PEX5L: variants seen among roughly 807,000 people sequenced by gnomAD.
The protein encoded by PEX5L is peroxisomal biogenesis factor 5 like.
A neutral mutation model predicts 84.0 loss-of-function variants in PEX5L; 30 were observed. The observed-to-expected ratio is 0.36, with a 90% confidence interval of 0.27 to 0.48. The LOEUF (loss-of-function observed/expected upper bound fraction) is 0.48, where lower values mean the gene tolerates loss of function less well. Ranked by LOEUF, PEX5L falls within the 20% of genes least tolerant of loss-of-function variation. The pLI is 0.99. For synonymous variants in PEX5L, 270 were observed against 283.1 expected, an observed-to-expected ratio of 0.95 and a Z score of 0.46; for missense variants, 533 against 754.6, an observed-to-expected ratio of 0.71 and a Z score of 3.44.
At chr3:179,806,583 C>T (rs974993097) in intron 14 of PEX5L, among the ~76,000 whole-genome samples, 10 of 152,114 alleles carry the variant, frequency 6.6e-5, no homozygotes, top group Non-Finnish European at 1.3e-4. Context: ...CTTTAGATGT[C>T]AAAAGAGTGA....
intron 3 of PEX5L, among the ~76,000 whole-genome samples, chr3:179,892,448 C>T (rs1757906361): frequency 6.6e-6 from 1 of 152,136 alleles, no homozygotes; most frequent in Non-Finnish European, 1.5e-5. Flanking sequence ...TAGACTGTGA[C>T]TTCCTTTAGA....
intron 11 of PEX5L, among the ~76,000 whole-genome samples, chr3:179,811,215 GTA>G (rs1246505667): frequency 9.9e-5 from 5 of 50,356 alleles, no homozygotes; most frequent in South Asian, 7.1e-4. Context: ...CATATGGAAT[GTA>G]TGTGTGTGTG....
At chr3:179,843,436 G>A (rs541782695) in intron 8 of PEX5L, among the ~76,000 whole-genome samples, 1 of 152,306 alleles carries the variant, frequency 6.6e-6, no homozygotes, top group East Asian at 1.9e-4. Context: ...TGTTATAGAT[G>A]AAGAAACTGA....
intron 6 of PEX5L, 29 bp from the exon 7 acceptor site, chr3:179,874,452 C>T (rs2339914): frequency 0.47 from 555,130 of 1,185,418 alleles, 133,221 homozygotes; most frequent in East Asian, 0.8. Flanking sequence ...GGAAATTAAA[C>T]GTACACTAGA....
chr3:179,837,699 C>T (rs1181153844), intron 8 of PEX5L, among the ~76,000 whole-genome samples: 1 of 152,196 alleles, frequency 6.6e-6, no homozygotes, highest in Non-Finnish European at 1.5e-5. Context: ...TCATGGGATG[C>T]TAAATAGTGG....
In PEX5L at chr3:179,875,361, G is replaced by T. The variant is rs1339247752; in HGVS notation, c.622C>A (p.Leu208Ile). ...SSSSRTGSKE[L>I]LWSSEHRSQP... ...GGTATTAAAATACCTTACCATAAGAGCTCTTTTGATCCAGTTCTAGATGAG... is the reference window on the plus strand; with the variant it reads ...GGTATTAAAATACCTTACCATAAGATCTCTTTTGATCCAGTTCTAGATGAG... Residue 208 changes from leucine (L) to isoleucine (I), a missense_variant, in exon 6 of 15, where the codon CTC (leucine) becomes ATC (isoleucine). By Grantham distance (5) the Leu-to-Ile change is conservative. Coordinates refer to ENST00000467460, the MANE Select transcript of PEX5L (RefSeq NM_016559.3). 2 of 1,613,740 alleles carry T rather than the reference G, an allele frequency of 1.2e-6. No homozygotes were observed. The highest frequency in any genetic ancestry group is 1.1e-5 in the South Asian group (1 of 91,080).
chr3:180,002,523 T>C lies in PEX5L; in HGVS notation c.22-30858A>G, dbSNP rs1788518360. Among the ~76,000 whole-genome samples the C allele has an allele frequency of 3.9e-5, 6 of 152,124 alleles. 1 individual carries two copies. Among genetic ancestry groups the C allele is most frequent in the Admixed American group, 3.9e-4 (6 of 15,282 alleles). On this transcript the variant is annotated intron_variant, in intron 1 of 14. Coordinates refer to ENST00000467460, the MANE Select transcript of PEX5L (RefSeq NM_016559.3). ...ATTTGAAGGTTCTCTCCTAGAAAAT[T>C]CCCATTTGTATATTATCCCCAGTTG... is the stretch of plus-strand genomic sequence containing the variant.
chr3:179,973,906 A>G, intron 1 of PEX5L: 1 of 985,470 alleles, frequency 1.0e-6, no homozygotes, highest in Non-Finnish European at 1.2e-6. Flanking sequence ...CAGTACACAA[A>G]GCTGGAGCCT....
At chr3:179,888,720 T>G (rs1756673108) in intron 3 of PEX5L, among the ~76,000 whole-genome samples, 1 of 152,064 alleles carries the variant, frequency 6.6e-6, no homozygotes, top group Non-Finnish European at 1.5e-5. Flanking sequence ...GTTTTTTGCT[T>G]AAGAAAAAGA....
chr3:179,898,778 A>C (rs1019743448), intron 2 of PEX5L, among the ~76,000 whole-genome samples: 2 of 152,132 alleles, frequency 1.3e-5, no homozygotes, highest in Non-Finnish European at 2.9e-5. Context: ...GTGGCTTGAC[A>C]TAACAGTAAT....
intron 7 of PEX5L, among the ~76,000 whole-genome samples, chr3:179,866,642 T>G (rs1748276325): frequency 6.6e-6 from 1 of 152,206 alleles, no homozygotes; most frequent in Admixed American, 6.5e-5. Context: ...CTAGTTGGAA[T>G]CTTATACTAG....
chr3:179,842,173 T>C (rs1737563619), intron 8 of PEX5L, among the ~76,000 whole-genome samples: 2 of 152,216 alleles, frequency 1.3e-5, no homozygotes, highest in Admixed American at 1.3e-4. Context: ...GCTTCTGCCT[T>C]CTAGCCTGCT....
chr3:179,897,648 T>C (rs1490651531), intron 3 of PEX5L, among the ~76,000 whole-genome samples: 1 of 152,078 alleles, frequency 6.6e-6, no homozygotes, highest in African/African-American at 2.4e-5. Context: ...AAATTAGTTA[T>C]CCACATAAAT....
At chr3:179,819,812 A>C in intron 9 of PEX5L, 48 bp downstream of exon 9, 14 of 1,533,460 alleles carry the variant, frequency 9.1e-6, no homozygotes, top group Non-Finnish European at 1.3e-5. Flanking sequence ...ATATGATCCA[A>C]AAAGGTGGAG....
intron 11 of PEX5L, among the ~76,000 whole-genome samples, chr3:179,811,024 G>C (rs1348940803): frequency 1.3e-5 from 2 of 151,908 alleles, no homozygotes; most frequent in Non-Finnish European, 2.9e-5. Context: ...CTGAACGCAG[G>C]GCCACACCCC....
intron 1 of PEX5L, among the ~76,000 whole-genome samples, chr3:180,031,513 T>C (rs1443468901): frequency 6.6e-6 from 1 of 152,258 alleles, no homozygotes; most frequent in African/African-American, 2.4e-5. Context: ...ACTTGGTTAC[T>C]AGTTTTCTCT....
chr3:179,820,775 C>A (rs566103530), intron 8 of PEX5L, among the ~76,000 whole-genome samples: 1 of 152,310 alleles, frequency 6.6e-6, no homozygotes, highest in Non-Finnish European at 1.5e-5. Flanking sequence ...CTGGTTGACT[C>A]CTATTTTATT....
intron 2 of PEX5L, among the ~76,000 whole-genome samples, chr3:179,908,397 A>G (rs2109148890): frequency 6.6e-6 from 1 of 152,352 alleles, no homozygotes; most frequent in African/African-American, 2.4e-5. Flanking sequence ...GACTGGAGTC[A>G]GAAGAGAGGA....
intron 1 of PEX5L, among the ~76,000 whole-genome samples, chr3:179,999,816 T>G (rs1788227964): frequency 6.6e-6 from 1 of 152,146 alleles, no homozygotes; most frequent in Non-Finnish European, 1.5e-5. Flanking sequence ...AACTCACTGG[T>G]CTTATCATGT....
Sources: allele counts gnomAD v4.1 joint callset (sites outside exome capture counted in the v4.1 genomes callset), GRCh38; gene constraint gnomAD v4.1.1; transcripts MANE v1.5; gene names NCBI Gene and HGNC (gene_info 2026-07-23, HGNC 2026-07-21).